ACBD3: variants seen among roughly 807,000 people sequenced by gnomAD.
The protein encoded by ACBD3 is acyl-CoA binding domain containing 3.
Under a neutral mutation model 66.9 loss-of-function variants are expected in ACBD3, and 30 were observed. The ratio of observed to expected loss-of-function variants is 0.45; its 90% CI spans 0.34 to 0.61. ACBD3 has a LOEUF of 0.61. Ranked by LOEUF, ACBD3 falls within the 20% of genes least tolerant of loss-of-function variation. The probability of loss-of-function intolerance (pLI) is 0.02; values close to 1 mark genes in which losing one functional copy is unlikely to be tolerated. For synonymous variants in ACBD3, 278 were observed against 259.8 expected (o/e 1.07, Z -0.68); for missense variants, 544 against 664.5 (o/e 0.82, Z 1.99).
chr1:226,186,373 G>A lies in ACBD3; in HGVS notation c.286+17C>T. 1 of 1,507,464 alleles carries A rather than the reference G, an allele frequency of 6.6e-7. No homozygotes were observed. The highest frequency in any genetic ancestry group is 8.9e-7 in the Non-Finnish European group (1 of 1,127,714). The allele number at this position is 1,507,464 out of a possible 1,614,324, so 93.4% of individuals were successfully genotyped here. On this transcript the variant is annotated intron_variant, in intron 1 of 7. Coordinates refer to ENST00000366812, the MANE Select transcript of ACBD3 (RefSeq NM_022735.4). ...GGGCCGGGCAGAAGCGGCGGGGGTG[G>A]GGCTGGCCCGGCTCACCTTTGAAGA... is the stretch of plus-strand genomic sequence containing the variant.
chr1:226,173,544 G>A (rs925112441), intron 1 of ACBD3, among the ~76,000 whole-genome samples: 1 of 151,374 alleles, frequency 6.6e-6, no homozygotes, highest in Non-Finnish European at 1.5e-5. Flanking sequence ...ACCACTTTCG[G>A]TATAGCACAG....
Position 226,164,814 on chromosome 1 carries a change from C to T in ACBD3, c.544G>A (p.Glu182Lys). 2 of 1,609,146 alleles carry T rather than the reference C, an allele frequency of 1.2e-6. No individual in the cohort carries two copies. Among genetic ancestry groups the T allele is most frequent in the Non-Finnish European group, 1.7e-6 (2 of 1,178,042 alleles). ...FSTYVASHKI[E>K]KEEQEKKRKE... is the part of the protein sequence containing the mutation. ...CTTTTTTTTTCTTGCTCTTCCTTCT[C>T]TATTTTGTGGGACGCAACATATGTT... Residue 182 changes from glutamate (E) to lysine (K), a missense_variant, in exon 3 of 8, where the codon GAG becomes AAG. This residue lies in a region of ACBD3 where 383 missense variants were observed against 462.4 expected (regional missense o/e 0.83). Coordinates refer to ENST00000366812, the MANE Select transcript of ACBD3 (RefSeq NM_022735.4).
intron 1 of ACBD3, among the ~76,000 whole-genome samples, chr1:226,175,091 C>CAAAAAAAAAAAAAAAAAAAA (rs35201518): frequency 1.7e-4 from 13 of 75,984 alleles, no homozygotes; most frequent in African/African-American, 3.0e-4. Context: ...GACTCCATCT[C>CAAAAAAAAAAAAAAAAAAAA]AAAAAAAAAA....
At chr1:226,158,124 C>G (rs942841400) in intron 5 of ACBD3, among the ~76,000 whole-genome samples, 1 of 152,148 alleles carries the variant, frequency 6.6e-6, no homozygotes, top group Admixed American at 6.5e-5. Context: ...ACTTGCAGTG[C>G]TTTTTAACTT....
At chr1:226,176,429 CAAA>C (rs34313392) in intron 1 of ACBD3, among the ~76,000 whole-genome samples, 6 of 83,350 alleles carry the variant, frequency 7.2e-5, no homozygotes, top group African/African-American at 5.1e-5. Context: ...GACTCCGTCT[CAAA>C]AAAAAAAAAA....
At position 226,169,003 on chromosome 1, in the gene ACBD3, C is replaced by T. The variant is rs1659930455; in HGVS notation, c.287-3003G>A. ...TCAGCCTCCCAAGTAGCTAGGACTA[C>T]AGGTGTGCGCCACCATACCCGGCTA... On this transcript the variant is annotated intron_variant, in intron 1 of 7. Transcript: ENST00000366812. Among the ~76,000 whole-genome samples the T allele has an allele frequency of 2.0e-5, 3 of 152,194 alleles. No individual in the cohort carries two copies. The South Asian group carries it at 6.2e-4, about 32-fold the overall frequency.
Position 226,186,597 on chromosome 1 carries a change from G to C in ACBD3, c.79C>G (p.Pro27Ala), listed in dbSNP as rs768903726. ...AGCAGCGGGGCGCCCTCCGCCCCAG[G>C]CCGCTCCTCCGGGTCCGGGCTGAGC... ...LTLSPDPEER[P>A]GAEGAPLLPP... The change falls in exon 1 of 8, where the codon CCT (proline) becomes GCT (alanine). Residue 27 changes from proline (P) to alanine (A), a missense_variant. This residue lies in a region of ACBD3 where 137 missense variants were observed against 145.9 expected (regional missense o/e 0.94). Transcript: ENST00000366812. The C allele has an allele frequency of 7.0e-7, 1 of 1,433,156 alleles. No homozygotes were observed. The highest frequency in any genetic ancestry group is 9.1e-7 in the Non-Finnish European group (1 of 1,095,782). 88.8% of individuals were successfully genotyped at this position (1,433,156 alleles called of 1,614,324 possible). A position where few individuals can be genotyped will look rare whatever the true frequency, so the allele number is the denominator to read the frequency against.
intron 5 of ACBD3, among the ~76,000 whole-genome samples, chr1:226,156,668 A>G (rs1659677725): frequency 6.6e-6 from 1 of 152,214 alleles, no homozygotes; most frequent in Non-Finnish European, 1.5e-5. Context: ...CTTTGCTGCT[A>G]ATATAGGTTA....
rs746792860 is a variant in ACBD3, at chr1:226,161,702, G to A, written c.570-13C>T. The A allele has an allele frequency of 6.4e-7, 1 of 1,567,442 alleles. No homozygotes were observed. Among genetic ancestry groups the A allele is most frequent in the African/African-American group, 1.4e-5 (1 of 72,850 alleles). Reference sequence around the variant, plus strand: ...CTCTTCCTCCTTCCTACAAGGCAAAGATAGAGAATGAACCCTATACGTTGA... The same window carrying A: ...CTCTTCCTCCTTCCTACAAGGCAAAAATAGAGAATGAACCCTATACGTTGA... On this transcript the variant is annotated splice_polypyrimidine_tract_variant and intron_variant, in intron 3 of 7. Transcript: ENST00000366812.
chr1:226,147,112 A>G (rs1659470260), intron 7 of ACBD3, among the ~76,000 whole-genome samples: 1 of 152,028 alleles, frequency 6.6e-6, no homozygotes, highest in Non-Finnish European at 1.5e-5. Context: ...GGATTGTCTC[A>G]ATCTCCTGAC....
At position 226,171,832 on chromosome 1, in the gene ACBD3, C is replaced by T. The variant is rs181029573; in HGVS notation, c.287-5832G>A. On this transcript the variant is annotated intron_variant, in intron 1 of 7. Coordinates refer to ENST00000366812, the MANE Select transcript of ACBD3 (RefSeq NM_022735.4). ...TGCTGGGATTACAGACGTGAGCCACCGTGCCTGGCCAATAAATGTGTTTTT... is the reference window on the plus strand; with the variant it reads ...TGCTGGGATTACAGACGTGAGCCACTGTGCCTGGCCAATAAATGTGTTTTT... 1.8e-4 allele frequency among the ~76,000 whole-genome samples: 28 copies of T among 151,742 alleles called. No individual in the cohort carries two copies. The East Asian group carries it at 4.6e-3, about 25-fold the overall frequency.
intron 2 of ACBD3, 141 bp downstream of exon 2, chr1:226,165,718 A>C: frequency 2.4e-6 from 2 of 822,024 alleles, no homozygotes; most frequent in Middle Eastern, 4.8e-4. Flanking sequence ...TAAATATCTG[A>C]AGACTCCAGA....
chr1:226,160,095 CT>C (rs199846671), intron 4 of ACBD3, among the ~76,000 whole-genome samples: 152 of 143,042 alleles, frequency 1.1e-3, no homozygotes, highest in Admixed American at 1.3e-3. Context: ...CATGCTTCTT[CT>C]TTTTTTTTTT....
At position 226,154,221 on chromosome 1, in the gene ACBD3, G is replaced by T. The variant is rs866921362; in HGVS notation, c.1090+426C>A. ...CTAAATTTAGGTGTAATTAATTTTT[G>T]TTTGTTTTTTTTTTGAGAGACAGTC... On this transcript the variant is annotated intron_variant, in intron 6 of 7. Transcript: ENST00000366812. 5.9e-5 allele frequency among the ~76,000 whole-genome samples: 9 copies of T among 151,806 alleles called. 1 individual carries two copies. Among genetic ancestry groups the T allele is most frequent in the Middle Eastern group, 3.4e-3 (1 of 294 alleles).
intron 1 of ACBD3, among the ~76,000 whole-genome samples, chr1:226,182,676 G>C (rs1656198185): frequency 6.6e-6 from 1 of 152,034 alleles, no homozygotes; most frequent in Non-Finnish European, 1.5e-5. Context: ...TACCTTCCCA[G>C]CTCTCTCCAT....
At chr1:226,165,230 G>A (rs1237213924) in intron 2 of ACBD3, among the ~76,000 whole-genome samples, 1 of 151,726 alleles carries the variant, frequency 6.6e-6, no homozygotes, top group Admixed American at 6.6e-5. Flanking sequence ...GAGTGCACTG[G>A]TGCGATCTTG....
At chr1:226,183,362 T>C (rs2102792397) in intron 1 of ACBD3, among the ~76,000 whole-genome samples, 1 of 152,122 alleles carries the variant, frequency 6.6e-6, no homozygotes, top group South Asian at 2.1e-4. Flanking sequence ...TTTTTTATTT[T>C]TAGTACAGAT....
chr1:226,162,259 T>C (rs558922840), intron 3 of ACBD3, among the ~76,000 whole-genome samples: 10 of 149,900 alleles, frequency 6.7e-5, no homozygotes, highest in Non-Finnish European at 1.5e-4. Context: ...TGTAATACAC[T>C]TGCTTAATGA....
intron 6 of ACBD3, 25 bp from the exon 7 acceptor site, chr1:226,152,644 C>T: frequency 6.3e-7 from 1 of 1,595,928 alleles, no homozygotes; most frequent in East Asian, 2.2e-5. Flanking sequence ...TATTAAAAAG[C>T]TAAAGAAAAA....
Sources: allele counts gnomAD v4.1 joint callset (sites outside exome capture counted in the v4.1 genomes callset), GRCh38; gene constraint gnomAD v4.1.1; regional missense constraint gnomAD v4.1.1; transcripts MANE v1.5; gene names NCBI Gene and HGNC (gene_info 2026-07-23, HGNC 2026-07-21).